Variants in LFNG observed in about 807,000 individuals in gnomAD.
LFNG encodes beta-1,3-N-acetylglucosaminyltransferase lunatic fringe.
Under a neutral mutation model 32.7 loss-of-function variants are expected in LFNG, and 15 were observed. That is an observed-to-expected ratio of 0.46 (90% CI 0.31 to 0.71). LFNG has a LOEUF of 0.71. Among genes scored for constraint, LFNG ranks in the 30% least tolerant of loss-of-function variants. LFNG has a pLI of 0.06. For missense variants in LFNG, 520 were observed against 545.7 expected (o/e 0.95, Z 0.47); for synonymous variants, 274 against 246.8 (o/e 1.11, Z -1.03).
chr7:2,519,731 CG>C, upstream of LFNG: 2 of 426,994 alleles, frequency 4.7e-6, no homozygotes, highest in Non-Finnish European at 3.2e-6. Flanking sequence ...GGGGCGGGAC[CG>C]GGGCGGGGAG....
chr7:2,516,564 CAGAT>C (rs1192558986), upstream of LFNG, among the ~76,000 whole-genome samples: 1 of 152,228 alleles, frequency 6.6e-6, no homozygotes, highest in African/African-American at 2.4e-5. Flanking sequence ...GGCCTGGACT[CAGAT>C]GGGGACAGAA....
intron 1 of LFNG, among the ~76,000 whole-genome samples, chr7:2,521,714 C>A (rs542060245): frequency 3.9e-5 from 6 of 152,214 alleles, no homozygotes; most frequent in Non-Finnish European, 2.9e-5. Flanking sequence ...GAATTTGGGG[C>A]CTTTCTCCAA....
At position 2,522,650 on chromosome 7, in the gene LFNG, C is replaced by A. The variant is rs1196321967; in HGVS notation, c.433-2045C>A. ...TCTTCGTCTGGAAAGTTAGGTGGCA[C>A]TGGGGGGTCTGGGTCCCTAGAAGGC... On this transcript the variant is annotated intron_variant, in intron 1 of 7. Coordinates refer to ENST00000222725, the MANE Select transcript of LFNG (RefSeq NM_001040167.2). Among the ~76,000 whole-genome samples, 7 of 149,504 alleles carry A rather than the reference C, an allele frequency of 4.7e-5. No homozygotes were observed. The East Asian group carries it at 1.4e-3, about 31-fold the overall frequency.
At chr7:2,524,917 C>A (rs1186064074) in intron 2 of LFNG, among the ~76,000 whole-genome samples, 174 bp downstream of exon 2, 1 of 152,230 alleles carries the variant, frequency 6.6e-6, no homozygotes, top group African/African-American at 2.4e-5. Context: ...CCCCCCAATT[C>A]TCATGCAAAT....
chr7:2,526,019 C>T lies in LFNG; in HGVS notation c.822-225C>T, dbSNP rs1429383858. Among the ~76,000 whole-genome samples the T allele has an allele frequency of 6.6e-6, 1 of 151,996 alleles. No individual in the cohort carries two copies. The highest frequency in any genetic ancestry group is 1.5e-5 in the Non-Finnish European group (1 of 67,938). ...ACCCCAGGCACCATCCGGCAGGACT[C>T]TTCCCTGCACCCAGATTCCCTCCAC... On this transcript the variant is annotated intron_variant, in intron 5 of 7. Transcript: ENST00000222725. The surrounding 1 kb of genome is among the most constrained non-coding windows in gnomAD (Gnocchi z 6.9).
chr7:2,512,848 C>T lies in LFNG; in HGVS notation c.47+147C>T. The T allele has an allele frequency of 3.9e-6, 3 of 777,802 alleles. No homozygotes were observed. In the South Asian group the frequency reaches 4.5e-5, roughly 12 times the overall value. 48.2% of individuals were successfully genotyped at this position (777,802 alleles called of 1,614,324 possible). A position where few individuals can be genotyped will look rare whatever the true frequency, so the allele number is the denominator to read the frequency against. On this transcript the variant is annotated intron_variant, in intron 1 of 8. Transcript: ENST00000402506. ...TTCTCTTTATCTCCAGCCTCACCTC[C>T]ATGAATGCCCCACACACCTGTGCCT...
At chr7:2,529,083 C>A, downstream of LFNG, 1 of 396,426 alleles carries the variant, frequency 2.5e-6, no homozygotes, top group South Asian at 8.0e-5. The surrounding 1 kb of genome is among the most constrained non-coding windows in gnomAD (Gnocchi z 4.2). Flanking sequence ...AGGAGCAGTG[C>A]CGGAGCCCCC....
Position 2,527,850 on chromosome 7 carries a change from C to T in LFNG, c.*638C>T. 2.0e-6 allele frequency: 2 copies of T among 1,000,192 alleles called. No individual in the cohort carries two copies. The highest frequency in any genetic ancestry group is 2.4e-6 in the Non-Finnish European group (2 of 837,390). 62.0% of individuals were successfully genotyped at this position (1,000,192 alleles called of 1,614,324 possible). On this transcript the variant is annotated 3_prime_UTR_variant, in exon 8 of 8. Coordinates refer to ENST00000222725, the MANE Select transcript of LFNG (RefSeq NM_001040167.2). The surrounding 1 kb of genome is among the most constrained non-coding windows in gnomAD (Gnocchi z 4.4). ...GGGCAAACAGTGGCACCCCTCCCAG[C>T]TCTTCTGAGTGGGGAGTCTTCCAGG... is the stretch of plus-strand genomic sequence containing the variant.
chr7:2,515,593 A>T (rs1039666780), upstream of LFNG, among the ~76,000 whole-genome samples: 2 of 152,226 alleles, frequency 1.3e-5, no homozygotes, highest in African/African-American at 2.4e-5. Context: ...GCCTGACCCC[A>T]GAGTGCAGGC....
chr7:2,519,791 G>C lies in LFNG; in HGVS notation c.-71G>C, dbSNP rs931452152. On this transcript the variant is annotated 5_prime_UTR_variant, in exon 1 of 8. Coordinates refer to ENST00000222725, the MANE Select transcript of LFNG (RefSeq NM_001040167.2). ...GCTGCGCTGCTGGACTGCGCCGCCGGAGCGACGGGCTTCGGGTCGGTGCAA... is the reference window on the plus strand; with the variant it reads ...GCTGCGCTGCTGGACTGCGCCGCCGCAGCGACGGGCTTCGGGTCGGTGCAA... 1 of 915,592 alleles carries C rather than the reference G, an allele frequency of 1.1e-6. No homozygotes were observed. The highest frequency in any genetic ancestry group is 1.3e-6 in the Non-Finnish European group (1 of 759,282). The allele number at this position is 915,592 out of a possible 1,614,324, so 56.7% of individuals were successfully genotyped here. A position where few individuals can be genotyped will look rare whatever the true frequency, so the allele number is the denominator to read the frequency against.
upstream of LFNG, among the ~76,000 whole-genome samples, chr7:2,513,541 C>T (rs919141557): frequency 1.3e-5 from 2 of 152,192 alleles, no homozygotes; most frequent in African/African-American, 4.8e-5. Context: ...CCCCTGCTCC[C>T]TCCACCCGGC....
Position 2,527,438 on chromosome 7 carries a change from T to A in LFNG, c.*226T>A, listed in dbSNP as rs1780027158. 1 of 1,440,422 alleles carries A rather than the reference T, an allele frequency of 6.9e-7. No homozygotes were observed. The highest frequency in any genetic ancestry group is 9.1e-7 in the Non-Finnish European group (1 of 1,096,282). The allele number at this position is 1,440,422 out of a possible 1,614,324, so 89.2% of individuals were successfully genotyped here. A position where few individuals can be genotyped will look rare whatever the true frequency, so the allele number is the denominator to read the frequency against. On this transcript the variant is annotated 3_prime_UTR_variant, in exon 8 of 8. Transcript: ENST00000222725. The surrounding 1 kb of genome is among the most constrained non-coding windows in gnomAD (Gnocchi z 4.4). ...ACCAGCGCCACTTATGTGCCTCTGC[T>A]CCGAGGGCCAGTGGGCTGCAGGGCC...
Position 2,525,765 on chromosome 7 carries a change from G to A in LFNG, c.816G>A (p.Trp272Ter). 1 of 1,611,430 alleles carries A rather than the reference G, an allele frequency of 6.2e-7. No individual in the cohort carries two copies. Among genetic ancestry groups the A allele is most frequent in the Admixed American group, 1.7e-5 (1 of 60,016 alleles). The change falls in exon 5 of 8, where the codon TGG becomes TGA. Residue 272 changes from tryptophan to a stop codon, truncating the protein, a stop_gained. Coordinates refer to ENST00000222725, the MANE Select transcript of LFNG (RefSeq NM_001040167.2). LOFTEE classifies it high-confidence loss of function. ...SRGLALKMSP[W>*]ASGGHFMNTA... ...GGCTGGCTCTGAAGATGAGCCCGTG[G>A]GCCAGGTGAGTGCCCTGCACAGGTT...
At chr7:2,529,002 A>C (rs1583280388), downstream of LFNG, 1 of 471,366 alleles carries the variant, frequency 2.1e-6, no homozygotes. This position sits in a 1 kb window ranked among gnomAD's most constrained non-coding sequence, Gnocchi z 4.2. Flanking sequence ...GTAATGCTGC[A>C]CCTCCCTCTC....
chr7:2,526,326 G>A lies in LFNG; in HGVS notation c.904G>A (p.Gly302Ser). 1 of 1,612,790 alleles carries A rather than the reference G, an allele frequency of 6.2e-7. No individual in the cohort carries two copies. The highest frequency in any genetic ancestry group is 1.3e-5 in the African/African-American group (1 of 75,048). Residue 302 changes from glycine (G) to serine (S), a missense_variant, in exon 6 of 8, where the codon GGT becomes AGT. Around this residue, in one of 3 missense-constraint regions of LFNG, gnomAD observed 150 missense variants for 159.9 expected, o/e 0.94. Coordinates refer to ENST00000222725, the MANE Select transcript of LFNG (RefSeq NM_001040167.2). The surrounding 1 kb of genome is among the most constrained non-coding windows in gnomAD (Gnocchi z 6.9). The part of the protein sequence containing the change: ...TIGYIVEALL[G>S]VPLIRSGLFH... The stretch of plus-strand genomic sequence containing the variant: ...CGGCTACATCGTGGAGGCCCTGCTG[G>A]GTGTGCCCCTCATCCGCAGCGGCCT...
Position 2,528,298 on chromosome 7 carries a change from T to C in LFNG, c.*1086T>C, listed in dbSNP as rs975661914. On this transcript the variant is annotated 3_prime_UTR_variant, in exon 8 of 8. Transcript: ENST00000222725. ...TGGCTCACCTGTCCCGTGGGCTGTG[T>C]TTCTTGTTGTTTTTCTCTTTGCAAA... is the stretch of plus-strand genomic sequence containing the variant. 3.0e-6 allele frequency: 3 copies of C among 986,038 alleles called. No homozygotes were observed. The highest frequency in any genetic ancestry group is 3.6e-6 in the Non-Finnish European group (3 of 829,984). The allele number at this position is 986,038 out of a possible 1,614,324, so 61.1% of individuals were successfully genotyped here.
intron 2 of LFNG, 140 bp downstream of exon 2, chr7:2,524,883 C>A (rs1583275745): frequency 1.3e-6 from 1 of 771,652 alleles, no homozygotes. Context: ...GGGGTTTGCT[C>A]CATGCCCCGC....
upstream of LFNG, chr7:2,518,461 G>C: frequency 2.5e-6 from 2 of 814,336 alleles, no homozygotes; most frequent in Non-Finnish European, 4.4e-6. Flanking sequence ...AGCGTCCTTA[G>C]CGGGGGGAGA....
At chr7:2,513,015 T>G, upstream of LFNG, 1 of 784,404 alleles carries the variant, frequency 1.3e-6, no homozygotes, top group South Asian at 1.7e-5. Context: ...TGTCACCATC[T>G]TTTCCTGGAA....
Sources: gnomAD v4.1 joint callset for allele counts (sites outside exome capture counted in the v4.1 genomes callset) on GRCh38, gnomAD v4.1.1 for gene constraint, gnomAD v4.1.1 regional missense constraint, Gnocchi (gnomAD v3.1) non-coding constraint, MANE v1.5 for transcripts, NCBI Gene and HGNC (gene_info 2026-07-23, HGNC 2026-07-21) for gene names.